CAMTA1: variants seen among roughly 807,000 people sequenced by gnomAD.
CAMTA1 encodes the protein calmodulin-binding transcription activator 1.
A neutral mutation model predicts 170.9 loss-of-function variants in CAMTA1; 27 were observed. That is an observed-to-expected ratio of 0.16 (90% CI 0.12 to 0.22). CAMTA1 has a LOEUF of 0.22. CAMTA1 is among the 10% of genes least tolerant of loss of function. CAMTA1 has a pLI of 1.00. For synonymous variants in CAMTA1, 833 were observed against 891.5 expected, an observed-to-expected ratio of 0.93 and a Z score of 1.17; for missense variants, 1,619 against 2,217.2, an observed-to-expected ratio of 0.73 and a Z score of 5.42.
intron 4 of CAMTA1, among the ~76,000 whole-genome samples, chr1:7,103,998 GAACAC>G (rs1643235495): frequency 7.0e-6 from 1 of 143,478 alleles, no homozygotes; most frequent in African/African-American, 2.6e-5. Context: ...GTACACACAT[GAACAC>G]AACACACTAC....
intron 5 of CAMTA1, among the ~76,000 whole-genome samples, chr1:7,369,384 G>A (rs542623422): frequency 1.3e-4 from 20 of 152,244 alleles, no homozygotes; most frequent in East Asian, 7.7e-4. Context: ...GCATACCCTC[G>A]CTTCTGACAC....
At chr1:7,125,490 G>T (rs920361826) in intron 4 of CAMTA1, among the ~76,000 whole-genome samples, 1 of 152,188 alleles carries the variant, frequency 6.6e-6, no homozygotes, top group South Asian at 2.1e-4. Flanking sequence ...ATGATGGGTG[G>T]CATAAAACAT....
intron 6 of CAMTA1, among the ~76,000 whole-genome samples, chr1:7,542,957 C>T (rs545684619): frequency 6.6e-6 from 1 of 151,396 alleles, no homozygotes; most frequent in African/African-American, 2.4e-5. Flanking sequence ...CTCCACTTCC[C>T]GCATTCACGC....
In CAMTA1 at chr1:7,547,279, G is replaced by C. The variant is rs1345451517; in HGVS notation, c.510+79378G>C. Among the ~76,000 whole-genome samples the C allele has an allele frequency of 6.6e-6, 1 of 151,910 alleles. No homozygotes were observed. The highest frequency in any genetic ancestry group is 2.4e-5 in the African/African-American group (1 of 41,328). ...AAGTGGTGTTTAGAAGCCAAGATCT[G>C]GGCCTGAGTATGCTCACTGCTCCCA... is the stretch of plus-strand genomic sequence containing the variant. On this transcript the variant is annotated intron_variant, in intron 6 of 22. Coordinates refer to ENST00000303635, the MANE Select transcript of CAMTA1 (RefSeq NM_015215.4). The surrounding 1 kb of genome is among the most constrained non-coding windows in gnomAD (Gnocchi z 5.7).
At chr1:7,127,286 T>C (rs1466074098) in intron 4 of CAMTA1, among the ~76,000 whole-genome samples, 2 of 129,224 alleles carry the variant, frequency 1.5e-5, no homozygotes, top group African/African-American at 6.0e-5. Context: ...CCGGAAGCCG[T>C]TCCTTTAGGA....
chr1:7,124,832 G>T (rs998432313), intron 4 of CAMTA1, among the ~76,000 whole-genome samples: 11 of 152,300 alleles, frequency 7.2e-5, no homozygotes, highest in African/African-American at 2.6e-4. Context: ...CTGCAATTTA[G>T]TGGTGAACTC....
At chr1:7,689,105 T>C (rs1213325851) in intron 11 of CAMTA1, among the ~76,000 whole-genome samples, 1 of 151,184 alleles carries the variant, frequency 6.6e-6, no homozygotes, top group Non-Finnish European at 1.5e-5. Flanking sequence ...CTACCAAAAA[T>C]ACAAAAAGTA....
intron 3 of CAMTA1, among the ~76,000 whole-genome samples, chr1:7,055,607 C>T (rs1707193405): frequency 6.6e-6 from 1 of 152,226 alleles, no homozygotes; most frequent in African/African-American, 2.4e-5. Context: ...TGGGAAGTGA[C>T]AGTGGCCTGG....
At chr1:7,487,919 C>A (rs1486265992) in intron 6 of CAMTA1, among the ~76,000 whole-genome samples, 1 of 152,180 alleles carries the variant, frequency 6.6e-6, no homozygotes. Flanking sequence ...CCAGGCCCTG[C>A]TGGGAGCATC....
intron 3 of CAMTA1, among the ~76,000 whole-genome samples, chr1:7,068,383 T>C (rs12354171): frequency 0.046 from 6,923 of 151,860 alleles, 517 homozygotes; most frequent in African/African-American, 0.16. Context: ...AATAAACGCT[T>C]ATTGAGTTGA....
At chr1:7,543,173 A>C (rs1010033670) in intron 6 of CAMTA1, among the ~76,000 whole-genome samples, 2 of 152,158 alleles carry the variant, frequency 1.3e-5, no homozygotes, top group African/African-American at 4.8e-5. Flanking sequence ...AGCCTAAAAC[A>C]CAGTTTTTAA....
intron 3 of CAMTA1, among the ~76,000 whole-genome samples, chr1:6,997,535 G>A (rs1697458420): frequency 1.3e-5 from 2 of 151,920 alleles, no homozygotes; most frequent in Admixed American, 6.6e-5. Context: ...CTCTAATTCT[G>A]GGAAATTCTT....
chr1:7,181,618 A>G (rs181699786), intron 4 of CAMTA1, among the ~76,000 whole-genome samples: 1 of 152,318 alleles, frequency 6.6e-6, no homozygotes, highest in Admixed American at 6.5e-5. Flanking sequence ...TGAGGACGCA[A>G]TAGCAACAAA....
chr1:7,341,098 A>G (rs1287805696), intron 5 of CAMTA1, among the ~76,000 whole-genome samples: 1 of 152,196 alleles, frequency 6.6e-6, no homozygotes, highest in African/African-American at 2.4e-5. Flanking sequence ...CAGCTCTCTG[A>G]CCACAAAGGG....
chr1:7,236,964 G>A (rs1663993570), intron 4 of CAMTA1, among the ~76,000 whole-genome samples: 1 of 152,224 alleles, frequency 6.6e-6, no homozygotes, highest in South Asian at 2.1e-4. Flanking sequence ...CTAGGACACT[G>A]CAGGCCCTGT....
At chr1:6,920,176 G>A (rs1681699317) in intron 3 of CAMTA1, among the ~76,000 whole-genome samples, 1 of 152,166 alleles carries the variant, frequency 6.6e-6, no homozygotes, top group South Asian at 2.1e-4. Flanking sequence ...ATGCTTCGGG[G>A]GTACATGTAT....
intron 5 of CAMTA1, among the ~76,000 whole-genome samples, chr1:7,412,384 A>C (rs1458351101): frequency 4.0e-5 from 6 of 151,378 alleles, no homozygotes; most frequent in African/African-American, 1.5e-4. Context: ...AACAGTGTAA[A>C]AGTGTTCCTA....
chr1:7,643,905 G>A (rs2095785644), intron 7 of CAMTA1, among the ~76,000 whole-genome samples: 1 of 152,124 alleles, frequency 6.6e-6, no homozygotes, highest in African/African-American at 2.4e-5. Flanking sequence ...GTGTGTCCGG[G>A]GACAGCAGAG....
At chr1:6,940,422 T>C (rs937827632) in intron 3 of CAMTA1, among the ~76,000 whole-genome samples, 1 of 135,602 alleles carries the variant, frequency 7.4e-6, no homozygotes, top group African/African-American at 2.5e-5. Flanking sequence ...GATTGGATGA[T>C]GCCCCCCACA....
Sources: gnomAD v4.1 joint callset for allele counts (sites outside exome capture counted in the v4.1 genomes callset) on GRCh38, gnomAD v4.1.1 for gene constraint, Gnocchi (gnomAD v3.1) non-coding constraint, MANE v1.5 for transcripts, NCBI Gene and HGNC (gene_info 2026-07-23, HGNC 2026-07-21) for gene names.